TMEM184C: variants seen among roughly 807,000 people sequenced by gnomAD.
TMEM184C encodes transmembrane protein 184C.
A neutral mutation model predicts 54.5 loss-of-function variants in TMEM184C; 25 were observed. The observed-to-expected ratio is 0.46, with a 90% confidence interval of 0.33 to 0.64. The LOEUF is 0.64. TMEM184C is among the 30% of genes least tolerant of loss of function. The pLI is 0.02. For synonymous variants in TMEM184C, 148 were observed against 181.5 expected, an observed-to-expected ratio of 0.82 and a Z score of 1.49; for missense variants, 335 against 520.3, an observed-to-expected ratio of 0.64 and a Z score of 3.46.
At chr4:147,621,749 A>G (rs2126547441) in intron 1 of TMEM184C, among the ~76,000 whole-genome samples, 1 of 152,306 alleles carries the variant, frequency 6.6e-6, no homozygotes, top group Non-Finnish European at 1.5e-5. Flanking sequence ...TAAAAATGAT[A>G]TTATGTGGTA....
intron 4 of TMEM184C, among the ~76,000 whole-genome samples, chr4:147,627,473 A>G (rs867569016): frequency 4.6e-5 from 7 of 151,796 alleles, no homozygotes; most frequent in African/African-American, 1.7e-4. Context: ...TTGTAGAGAC[A>G]GAGTTTTGCC....
chr4:147,623,884 G>A lies in TMEM184C; in HGVS notation c.174G>A (p.Leu58=). The A allele has an allele frequency of 6.2e-7, 1 of 1,613,874 alleles. No homozygotes were observed. Among genetic ancestry groups the A allele is most frequent in the Non-Finnish European group, 8.5e-7 (1 of 1,179,924 alleles). Residue 58 remains leucine, a synonymous_variant, in exon 2 of 10, where the codon TTG becomes TTA. Transcript: ENST00000296582. ...TTATTGCTGGAATCTTTTTGCTGTT[G>A]ACTATTCCTATATCACTGTGGGTGA... ...AWFIAGIFLL[L]TIPISLWVIL...
At chr4:147,619,390 G>A (rs1486103342) in intron 1 of TMEM184C, among the ~76,000 whole-genome samples, 1 of 151,738 alleles carries the variant, frequency 6.6e-6, no homozygotes, top group Non-Finnish European at 1.5e-5. Context: ...TACAGACGGG[G>A]TTTCACGGTG....
In TMEM184C at chr4:147,635,380, C is replaced by A. The variant is rs759270283; in HGVS notation, c.*946C>A. On this transcript the variant is annotated 3_prime_UTR_variant, in exon 10 of 10. Coordinates refer to ENST00000296582, the MANE Select transcript of TMEM184C (RefSeq NM_018241.3). ...AGGTGGCAGCAAATGTAAATCTTGG[C>A]TGAATGGTCTTAATTACTCATTAAA... 1 of 152,110 alleles carries A rather than the reference C, an allele frequency of 6.6e-6. No individual in the cohort carries two copies. Among genetic ancestry groups the A allele is most frequent in the Non-Finnish European group, 1.5e-5 (1 of 68,018 alleles). The allele number at this position is 152,110 out of a possible 1,614,324, so 9.4% of individuals were successfully genotyped here.
At chr4:147,627,211 C>A (rs1450184571) in intron 4 of TMEM184C, among the ~76,000 whole-genome samples, 1 of 152,166 alleles carries the variant, frequency 6.6e-6, no homozygotes, top group African/African-American at 2.4e-5. Flanking sequence ...TAAAGTTTGT[C>A]TAAATGAGAG....
chr4:147,633,051 C>A, intron 8 of TMEM184C, 49 bp downstream of exon 8: 1 of 1,480,326 alleles, frequency 6.8e-7, no homozygotes, highest in Non-Finnish European at 9.4e-7. Context: ...ATTTGTTAAG[C>A]ATTTTTACAT....
chr4:147,632,742 T>C (rs1175518901), intron 7 of TMEM184C, 161 bp from the exon 8 acceptor site: 4 of 518,672 alleles, frequency 7.7e-6, no homozygotes, highest in African/African-American at 1.9e-5. Context: ...GTAAAGCAAA[T>C]TAATATATTT....
At chr4:147,622,710 A>G (rs575647065) in intron 1 of TMEM184C, among the ~76,000 whole-genome samples, 28 of 152,248 alleles carry the variant, frequency 1.8e-4, no homozygotes, top group African/African-American at 6.7e-4. Flanking sequence ...TTTGCTTTTC[A>G]TTTACTGTTT....
At chr4:147,624,258 T>A (rs1439282920) in intron 3 of TMEM184C, among the ~76,000 whole-genome samples, 160 bp downstream of exon 3, 2 of 152,142 alleles carry the variant, frequency 1.3e-5, no homozygotes, top group Non-Finnish European at 2.9e-5. Context: ...AAAGTATAAT[T>A]AAAAATGTAA....
rs148922114 is a variant in TMEM184C, at chr4:147,621,989, C to CTT, written c.124-1833_124-1832dup. Among the ~76,000 whole-genome samples the CTT allele has an allele frequency of 2.5e-3, 360 of 142,160 alleles. 6 individuals carry two copies. Among genetic ancestry groups the CTT allele is most frequent in the Middle Eastern group, 7.1e-3 (2 of 280 alleles). 93.3% of individuals were successfully genotyped at this position (142,160 alleles called of 152,430 possible). A position where few individuals can be genotyped will look rare whatever the true frequency, so the allele number is the denominator to read the frequency against. On this transcript the variant is annotated intron_variant, in intron 1 of 9. Coordinates refer to ENST00000296582, the MANE Select transcript of TMEM184C (RefSeq NM_018241.3). ...AATACTTTTTTTTCTTTTTTTCTTT[C>CTT]TTTTTTTTTTTTTGAGCCAGGGTCT... is the stretch of plus-strand genomic sequence containing the variant.
chr4:147,618,809 C>T (rs1732649035), intron 1 of TMEM184C, among the ~76,000 whole-genome samples: 1 of 152,156 alleles, frequency 6.6e-6, no homozygotes, highest in South Asian at 2.1e-4. Context: ...CATTTGTGTT[C>T]TCTATTTACA....
Position 147,628,341 on chromosome 4 carries a change from A to G in TMEM184C, c.498-20A>G, listed in dbSNP as rs1420101813. The G allele has an allele frequency of 6.3e-7, 1 of 1,591,246 alleles. No homozygotes were observed. The highest frequency in any genetic ancestry group is 8.5e-7 in the Non-Finnish European group (1 of 1,171,018). ...TATTTAAATGAGTAGTTGAAATTCT[A>G]AGTTCTTTTTCTTTTGCAGAGTATT... On this transcript the variant is annotated intron_variant, in intron 4 of 9. Coordinates refer to ENST00000296582, the MANE Select transcript of TMEM184C (RefSeq NM_018241.3).
At chr4:147,631,365 C>T (rs750533368) in intron 6 of TMEM184C, 28 bp from the exon 7 acceptor site, 1 of 1,494,378 alleles carries the variant, frequency 6.7e-7, no homozygotes, top group South Asian at 1.3e-5. Flanking sequence ...TATTACTGAA[C>T]AAGTTTAAAT....
intron 3 of TMEM184C, 102 bp downstream of exon 3, chr4:147,624,200 C>A: frequency 2.0e-6 from 2 of 986,628 alleles, no homozygotes; most frequent in South Asian, 1.7e-5. Context: ...GACAAGGAGT[C>A]AGATTAATAA....
chr4:147,632,860 A>T, intron 7 of TMEM184C, 43 bp from the exon 8 acceptor site: 1 of 1,565,706 alleles, frequency 6.4e-7, no homozygotes, highest in Non-Finnish European at 8.7e-7. Context: ...TGCTCATTTT[A>T]TGCTTGATAT....
chr4:147,618,929 G>C (rs185898503), intron 1 of TMEM184C, among the ~76,000 whole-genome samples: 1 of 152,326 alleles, frequency 6.6e-6, no homozygotes, highest in East Asian at 1.9e-4. Context: ...GAGTGCAATG[G>C]CGAGATCTCG....
rs769461896 is a variant in TMEM184C at position 147,617,908 on chromosome 4, C to A, written c.-49C>A. On this transcript the variant is annotated 5_prime_UTR_variant, in exon 1 of 10. Coordinates refer to ENST00000296582, the MANE Select transcript of TMEM184C (RefSeq NM_018241.3). ...AGAGAACAGGGCTCCCCATTACAAT[C>A]TTTTCGAGATCTTTTCCCTTGCTAA... 2 of 1,610,980 alleles carry A rather than the reference C, an allele frequency of 1.2e-6. No homozygotes were observed. The highest frequency in any genetic ancestry group is 1.7e-6 in the Non-Finnish European group (2 of 1,178,290).
chr4:147,624,932 G>A lies in TMEM184C; in HGVS notation c.420G>A (p.Leu140=). The change falls in exon 4 of 10, where the codon CTG becomes CTA. Residue 140 remains leucine (L), a synonymous_variant. Coordinates refer to ENST00000296582, the MANE Select transcript of TMEM184C (RefSeq NM_018241.3). ...ATCTAACTAACCGGTATCCAAATCT[G>A]GTATTAATCCTTGAAGCCAAAGATC... ...TNYLTNRYPN[L]VLILEAKDQQ... is the part of the protein sequence containing the mutation. The A allele has an allele frequency of 6.2e-7, 1 of 1,613,862 alleles. No individual in the cohort carries two copies. Among genetic ancestry groups the A allele is most frequent in the African/African-American group, 1.3e-5 (1 of 75,016 alleles).
At chr4:147,631,832 G>A (rs1393711122) in intron 7 of TMEM184C, among the ~76,000 whole-genome samples, 1 of 152,100 alleles carries the variant, frequency 6.6e-6, no homozygotes, top group Non-Finnish European at 1.5e-5. Flanking sequence ...AATTATATGG[G>A]AAAATAATCA....
Sources: allele counts gnomAD v4.1 joint callset (sites outside exome capture counted in the v4.1 genomes callset), GRCh38; gene constraint gnomAD v4.1.1; transcripts MANE v1.5; gene names NCBI Gene and HGNC (gene_info 2026-07-23, HGNC 2026-07-21).